The following FOCAD variants were observed in gnomAD, a reference collection of about 807,000 sequenced individuals.
The protein encoded by FOCAD is KIAA1797.
A neutral mutation model predicts 225.6 loss-of-function variants in FOCAD; 198 were observed. The observed-to-expected ratio is 0.88, with a 90% CI of 0.78 to 0.99. FOCAD has a LOEUF of 0.99. Among genes scored for constraint, FOCAD ranks in the 50% least tolerant of loss-of-function variants. The pLI, the probability that FOCAD is intolerant of heterozygous loss-of-function variation, is 0.00. For synonymous variants in FOCAD, 897 were observed against 755.0 expected, an observed-to-expected ratio of 1.19 and a Z score of -3.08; for missense variants, 2,713 against 2,123.6, an observed-to-expected ratio of 1.28 and a Z score of -5.46.
At chr9:20,776,253 T>G (rs952584996) in intron 8 of FOCAD, among the ~76,000 whole-genome samples, 1 of 152,216 alleles carries the variant, frequency 6.6e-6, no homozygotes, top group African/African-American at 2.4e-5. Context: ...GGGCTTTAAC[T>G]TCCTTGTACT....
rs1397289730 is a variant in FOCAD, at chr9:20,882,062, G to C, written c.2503+6G>C. The C allele has an allele frequency of 6.2e-7, 1 of 1,600,806 alleles. No homozygotes were observed. Among genetic ancestry groups the C allele is most frequent in the East Asian group, 2.2e-5 (1 of 44,736 alleles). ...ACTGAAACCTGGCCTTGCAGGTAAG[G>C]GTAGTACATAGTATCAAAAATACAG... is the stretch of plus-strand genomic sequence containing the variant. On this transcript the variant is annotated splice_donor_region_variant and intron_variant, in intron 20 of 43. Coordinates refer to ENST00000338382, the MANE Select transcript of FOCAD (RefSeq NM_001375567.1).
intron 15 of FOCAD, among the ~76,000 whole-genome samples, chr9:20,832,496 T>C (rs1825599986): frequency 6.6e-6 from 1 of 152,074 alleles, no homozygotes; most frequent in Non-Finnish European, 1.5e-5. Context: ...AAGTACATCA[T>C]GGAGAATGGA....
chr9:20,799,250 G>C (rs1411932662), intron 11 of FOCAD, among the ~76,000 whole-genome samples: 2 of 152,190 alleles, frequency 1.3e-5, no homozygotes, highest in Non-Finnish European at 2.9e-5. Flanking sequence ...ATTTGCTGAG[G>C]AGTGCTTTAC....
At chr9:20,784,187 T>C (rs1819681162) in intron 10 of FOCAD, among the ~76,000 whole-genome samples, 1 of 152,162 alleles carries the variant, frequency 6.6e-6, no homozygotes, top group South Asian at 2.1e-4. Context: ...AGGCTGGAAT[T>C]GGCTGAGCTG....
chr9:20,687,826 A>C (rs185469970), intron 1 of FOCAD, among the ~76,000 whole-genome samples: 165 of 152,338 alleles, frequency 1.1e-3, no homozygotes, highest in Admixed American at 3.7e-3. Flanking sequence ...CAATGGGATA[A>C]ACATTATAAT....
At chr9:20,667,681 A>G (rs556594698) in intron 2 of FOCAD, among the ~76,000 whole-genome samples, 1 of 152,326 alleles carries the variant, frequency 6.6e-6, no homozygotes, top group South Asian at 2.1e-4. Flanking sequence ...ACACCTGAAG[A>G]CCTTTCTGAC....
At chr9:20,959,019 T>C (rs919994488) in intron 35 of FOCAD, among the ~76,000 whole-genome samples, 1 of 152,152 alleles carries the variant, frequency 6.6e-6, no homozygotes, top group African/African-American at 2.4e-5. Flanking sequence ...ATGTCTCTGA[T>C]AGAATGATTT....
At chr9:20,986,698 C>G (rs1841202764) in intron 40 of FOCAD, among the ~76,000 whole-genome samples, 1 of 152,118 alleles carries the variant, frequency 6.6e-6, no homozygotes, top group South Asian at 2.1e-4. Context: ...TTCTATTTGG[C>G]TCTGTAGACC....
intron 2 of FOCAD, among the ~76,000 whole-genome samples, chr9:20,678,714 T>G (rs117660060): frequency 0.03 from 4,507 of 152,346 alleles, 95 homozygotes; most frequent in Middle Eastern, 0.071. Context: ...CACTGTGGAC[T>G]GGCTGTGTTA....
chr9:20,960,699 A>G (rs1363574604), intron 35 of FOCAD, among the ~76,000 whole-genome samples: 4 of 151,834 alleles, frequency 2.6e-5, no homozygotes, highest in Non-Finnish European at 5.9e-5. Context: ...CTCGTCATTT[A>G]CATTGGGTAT....
chr9:20,885,309 A>G, intron 21 of FOCAD, 79 bp downstream of exon 21: 2 of 1,285,388 alleles, frequency 1.6e-6, no homozygotes, highest in Non-Finnish European at 2.0e-6. Context: ...TTGTTTAGAA[A>G]TAATTTTTTT....
intron 11 of FOCAD, among the ~76,000 whole-genome samples, chr9:20,810,731 G>A (rs561282901): frequency 6.6e-6 from 1 of 152,072 alleles, no homozygotes; most frequent in Non-Finnish European, 1.5e-5. Flanking sequence ...GACTCTGAGA[G>A]ATAATAGTCA....
At chr9:20,688,280 C>T (rs1463098782) in intron 1 of FOCAD, among the ~76,000 whole-genome samples, 1 of 152,070 alleles carries the variant, frequency 6.6e-6, no homozygotes, top group Non-Finnish European at 1.5e-5. Context: ...TCCGAAAATG[C>T]AGTGCTGCTG....
chr9:20,972,197 C>A (rs139109890), intron 35 of FOCAD, among the ~76,000 whole-genome samples: 87 of 152,166 alleles, frequency 5.7e-4, no homozygotes, highest in African/African-American at 1.8e-3. Context: ...TAAGGAACTG[C>A]CATACTGTTT....
At chr9:20,757,148 C>T (rs1023161658) in intron 5 of FOCAD, among the ~76,000 whole-genome samples, 2 of 152,164 alleles carry the variant, frequency 1.3e-5, no homozygotes, top group South Asian at 2.1e-4. Context: ...AGGCTGGTCT[C>T]GAACTCCCAA....
intron 5 of FOCAD, among the ~76,000 whole-genome samples, chr9:20,747,640 C>T (rs1188191249): frequency 1.3e-5 from 2 of 152,082 alleles, no homozygotes; most frequent in African/African-American, 4.8e-5. Flanking sequence ...CTATTTGTGT[C>T]TTTGGATTTG....
intron 1 of FOCAD, among the ~76,000 whole-genome samples, chr9:20,711,590 G>C (rs931178228): frequency 2.0e-5 from 3 of 152,186 alleles, no homozygotes; most frequent in Non-Finnish European, 4.4e-5. Context: ...AGTAACCTCT[G>C]AGGTGCTGGA....
In FOCAD at chr9:20,765,004, C is replaced by G. The variant is rs750105844; in HGVS notation, c.630C>G (p.Asp210Glu). The G allele has an allele frequency of 5.6e-6, 9 of 1,613,956 alleles. No individual in the cohort carries two copies. The African/African-American group carries it at 1.1e-4, about 19-fold the overall frequency. Residue 210 changes from aspartate to glutamate, a missense_variant, in exon 7 of 44, where the codon GAC (aspartate) becomes GAG (glutamate). Physicochemically the swap from Asp to Glu is conservative, Grantham distance 45. Transcript: ENST00000338382. ...KVLLQPQVLCDKDQPSILEQQ... is the reference protein window; with the variant it reads ...KVLLQPQVLCEKDQPSILEQQ... ...TACTTCAACCCCAGGTTCTTTGTGA[C>G]AAAGATCAACCATCAATACTGGAAC... is the stretch of plus-strand genomic sequence containing the variant.
rs111480074 is a variant in FOCAD at position 20,765,140 on chromosome 9, A to G, written c.699+67A>G. The G allele has an allele frequency of 7.2e-6, 10 of 1,391,706 alleles. No individual in the cohort carries two copies. In the African/African-American group the frequency reaches 1.3e-4, roughly 18 times the overall value. The allele number at this position is 1,391,706 out of a possible 1,614,324, so 86.2% of individuals were successfully genotyped here. ...GTAAGTGTTGTTATTGTCATAGACA[A>G]AGTAGTTCTAGAACATAAGTGATTT... On this transcript the variant is annotated intron_variant, in intron 7 of 43. Transcript: ENST00000338382.
Sources: allele counts gnomAD v4.1 joint callset (sites outside exome capture counted in the v4.1 genomes callset), GRCh38; gene constraint gnomAD v4.1.1; transcripts MANE v1.5; gene names NCBI Gene and HGNC (gene_info 2026-07-23, HGNC 2026-07-21).